The following SPEF2 variants were observed in gnomAD, a reference collection of about 807,000 sequenced individuals.
SPEF2 encodes sperm flagellar and cilia associated 2.
Under a neutral mutation model 224.6 loss-of-function variants are expected in SPEF2, and 187 were observed. The observed-to-expected ratio is 0.83, with a 90% CI of 0.74 to 0.94. SPEF2 has a LOEUF of 0.94. Ranked by LOEUF, SPEF2 falls within the 40% of genes least tolerant of loss-of-function variation. SPEF2 has a pLI of 0.00. For missense variants in SPEF2, 2,170 were observed against 2,135.6 expected (o/e 1.02, Z -0.32); for synonymous variants, 715 against 707.3 (o/e 1.01, Z -0.17).
At chr5:35,790,548 G>A in intron 30 of SPEF2, 1 of 400,816 alleles carries the variant, frequency 2.5e-6, no homozygotes, top group South Asian at 1.2e-4. Flanking sequence ...AAAAGCCCAA[G>A]ATTGTTTCTT....
chr5:35,671,690 T>G (rs1751236258), intron 10 of SPEF2: 2 of 238,106 alleles, frequency 8.4e-6, no homozygotes, highest in Admixed American at 1.3e-4. Flanking sequence ...GCAAAGATTT[T>G]TGTCTCTTTA....
intron 10 of SPEF2, among the ~76,000 whole-genome samples, chr5:35,673,286 A>G (rs963040532): frequency 1.3e-5 from 2 of 152,158 alleles, no homozygotes; most frequent in African/African-American, 4.8e-5. Flanking sequence ...GTGGTTCTCA[A>G]TCATGCAGTG....
intron 28 of SPEF2, 55 bp downstream of exon 28, chr5:35,774,076 C>T (rs201437919): frequency 8.8e-5 from 139 of 1,584,078 alleles, no homozygotes; most frequent in Non-Finnish European, 1.1e-4. Flanking sequence ...GACCAGTAGC[C>T]AAACAGCCCA....
At chr5:35,650,534 A>G (rs1429739575) in intron 6 of SPEF2, among the ~76,000 whole-genome samples, 2 of 152,156 alleles carry the variant, frequency 1.3e-5, no homozygotes, top group South Asian at 2.1e-4. Flanking sequence ...CACCAGAAAG[A>G]CCATCTTAAA....
rs115066244 is a variant in SPEF2, at chr5:35,788,026, C to T, written c.4448-4314C>T. 4.8e-3 allele frequency: 3,381 copies of T among 702,042 alleles called. 69 individuals carry two copies. The African/African-American group carries it at 0.052, about 11-fold the overall frequency. The allele number at this position is 702,042 out of a possible 1,614,324, so 43.5% of individuals were successfully genotyped here. ...ATGAGCTATTAAATCTTATGTTCTGCGCCTTGTGTCGTAAGCATGGAGTGA... is the reference window on the plus strand; with the variant it reads ...ATGAGCTATTAAATCTTATGTTCTGTGCCTTGTGTCGTAAGCATGGAGTGA... On this transcript the variant is annotated intron_variant, in intron 30 of 36. Coordinates refer to ENST00000356031, the MANE Select transcript of SPEF2 (RefSeq NM_024867.4).
chr5:35,673,137 A>G lies in SPEF2; in HGVS notation c.1524+2910A>G, dbSNP rs1751417275. ...ACCTCTCTGGGGTTCCTAGGCAACT[A>G]CCACAGCATAACAACATTGAGTTAT... On this transcript the variant is annotated intron_variant, in intron 10 of 36. Transcript: ENST00000356031. Among the ~76,000 whole-genome samples the G allele has an allele frequency of 2.6e-5, 4 of 152,284 alleles. No homozygotes were observed. In the South Asian group the frequency reaches 8.3e-4, roughly 32 times the overall value.
At chr5:35,808,198 A>AATTT (rs1758296179) in intron 36 of SPEF2, 1 of 921,422 alleles carries the variant, frequency 1.1e-6, no homozygotes, top group Non-Finnish European at 1.3e-6. Flanking sequence ...TTAAATTATT[A>AATTT]ATTAATATTA....
At chr5:35,629,301 C>T (rs1355637074) in intron 2 of SPEF2, among the ~76,000 whole-genome samples, 6 of 151,302 alleles carry the variant, frequency 4.0e-5, no homozygotes, top group Non-Finnish European at 8.9e-5. Flanking sequence ...CTACAGGCGC[C>T]TGCCACCAGC....
At position 35,739,955 on chromosome 5, in the gene SPEF2, A is replaced by T; in HGVS notation, c.3100A>T (p.Ile1034Leu). The T allele has an allele frequency of 6.2e-7, 1 of 1,614,138 alleles. No homozygotes were observed. The highest frequency in any genetic ancestry group is 2.2e-5 in the East Asian group (1 of 44,874). ...PLFLVPYWEL[I>L]ENSYINTIKT... ...GTTTTTAGTACCTTACTGGGAACTA[A>T]TAGAAAATTCCTATATAAACACCAT... The change falls in exon 22 of 37, where the codon ATA becomes TTA. Residue 1034 changes from isoleucine (I) to leucine (L), a missense_variant. Physicochemically the swap from Ile to Leu is conservative, Grantham distance 5. Coordinates refer to ENST00000356031, the MANE Select transcript of SPEF2 (RefSeq NM_024867.4).
At chr5:35,737,122 C>T (rs1016186963) in intron 21 of SPEF2, among the ~76,000 whole-genome samples, 2 of 151,372 alleles carry the variant, frequency 1.3e-5, no homozygotes, top group African/African-American at 2.4e-5. Flanking sequence ...TTAACAATTT[C>T]TTTTTTTTTG....
At position 35,705,728 on chromosome 5, in the gene SPEF2, A is replaced by G. The variant is rs765420746; in HGVS notation, c.2585A>G (p.Asn862Ser). 9.5e-6 allele frequency: 15 copies of G among 1,582,560 alleles called. No individual in the cohort carries two copies. The highest frequency in any genetic ancestry group is 1.7e-4 in the Middle Eastern group (1 of 5,880). The change falls in exon 18 of 37, where the codon AAT (asparagine) becomes AGT (serine). Residue 862 changes from asparagine (N) to serine (S), a missense_variant. Physicochemically the swap from Asn to Ser is conservative, Grantham distance 46. Coordinates refer to ENST00000356031, the MANE Select transcript of SPEF2 (RefSeq NM_024867.4). The part of the protein sequence containing the change: ...SEPENILIKI[N>S]AEIDKESLCE... ...CCAGAAAATATTTTGATAAAAATCAATGCTGAAATAGATAAGGAATCTTTA... is the reference window on the plus strand; with the variant it reads ...CCAGAAAATATTTTGATAAAAATCAGTGCTGAAATAGATAAGGAATCTTTA...
chr5:35,782,025 T>C (rs1184371733), intron 30 of SPEF2, among the ~76,000 whole-genome samples: 2 of 152,098 alleles, frequency 1.3e-5, no homozygotes, highest in Non-Finnish European at 2.9e-5. Flanking sequence ...TCACCCCTTT[T>C]CCCCATCTCT....
At chr5:35,695,891 T>C (rs1198328277) in intron 14 of SPEF2, 95 bp downstream of exon 14, 5 of 858,798 alleles carry the variant, frequency 5.8e-6, no homozygotes, top group Non-Finnish European at 8.8e-6. Flanking sequence ...GAAATTGCAA[T>C]GTGCTCTTCT....
At chr5:35,697,645 C>A in intron 14 of SPEF2, 45 bp from the exon 15 acceptor site, 1 of 1,501,524 alleles carries the variant, frequency 6.7e-7, no homozygotes. Flanking sequence ...TGGAATTTGA[C>A]TTTTAAATTA....
intron 8 of SPEF2, among the ~76,000 whole-genome samples, chr5:35,665,642 T>C (rs1750368565): frequency 6.6e-6 from 1 of 152,146 alleles, no homozygotes; most frequent in Non-Finnish European, 1.5e-5. Flanking sequence ...TGATCCATTT[T>C]TTTTTGTCAC....
intron 19 of SPEF2, chr5:35,710,697 T>C (rs902313305): frequency 1.0e-6 from 1 of 985,086 alleles, no homozygotes; most frequent in African/African-American, 1.7e-5. Context: ...CAGTCAAGAG[T>C]ATCTATGTAT....
intron 21 of SPEF2, among the ~76,000 whole-genome samples, chr5:35,737,978 T>C (rs558503973): frequency 6.6e-6 from 1 of 152,344 alleles, no homozygotes; most frequent in South Asian, 2.1e-4. Flanking sequence ...TGATGAGCAT[T>C]TTTTCATGTG....
chr5:35,805,075 C>T (rs1221701718), intron 34 of SPEF2, among the ~76,000 whole-genome samples: 1 of 152,184 alleles, frequency 6.6e-6, no homozygotes, highest in African/African-American at 2.4e-5. Flanking sequence ...TACTAAAGCT[C>T]ATTTTACATT....
intron 21 of SPEF2, among the ~76,000 whole-genome samples, chr5:35,734,666 G>A (rs1746229905): frequency 6.9e-6 from 1 of 145,532 alleles, no homozygotes; most frequent in Non-Finnish European, 1.5e-5. Flanking sequence ...CAGCACCTCT[G>A]TCACTTCACA....
Sources: allele counts gnomAD v4.1 joint callset (sites outside exome capture counted in the v4.1 genomes callset), GRCh38; gene constraint gnomAD v4.1.1; transcripts MANE v1.5; gene names NCBI Gene and HGNC (gene_info 2026-07-23, HGNC 2026-07-21).